Variants in PRG4 observed in about 807,000 individuals in gnomAD.
PRG4 encodes proteoglycan 4.
In PRG4, 61 loss-of-function variants were observed where a neutral mutation model predicts 91.2. The ratio of observed to expected loss-of-function variants is 0.67; its 90% CI spans 0.54 to 0.83. PRG4 has a LOEUF of 0.83. Ranked by LOEUF, PRG4 falls within the 40% of genes least tolerant of loss-of-function variation. The probability of loss-of-function intolerance (pLI) is 0.00; values close to 1 mark genes in which losing one functional copy is unlikely to be tolerated. For missense variants in PRG4, 1,564 were observed against 1,714.2 expected, an observed-to-expected ratio of 0.91 and a Z score of 1.55; for synonymous variants, 576 against 614.2, an observed-to-expected ratio of 0.94 and a Z score of 0.92.
chr1:186,301,728 C>A lies in PRG4; in HGVS notation c.319+17C>A. ...GTGCAGAAGGTAAGCATCACAGTAC[C>A]AACCAATGCTTCTCAGTACAGCCAG... is the stretch of plus-strand genomic sequence containing the variant. On this transcript the variant is annotated intron_variant, in intron 4 of 12. Transcript: ENST00000445192. 1 of 1,612,008 alleles carries A rather than the reference C, an allele frequency of 6.2e-7. No homozygotes were observed. The highest frequency in any genetic ancestry group is 8.5e-7 in the Non-Finnish European group (1 of 1,178,164).
intron 2 of PRG4, among the ~76,000 whole-genome samples, chr1:186,297,709 C>G (rs1227883980): frequency 6.6e-6 from 1 of 152,090 alleles, no homozygotes; most frequent in East Asian, 1.9e-4. Context: ...TTTTGTTCCC[C>G]TTTGATAAGC....
chr1:186,298,472 C>T (rs567386195), intron 2 of PRG4, among the ~76,000 whole-genome samples: 2 of 151,582 alleles, frequency 1.3e-5, no homozygotes, highest in Admixed American at 1.3e-4. Context: ...GTAAGCTTTT[C>T]CTGTAAGGAT....
rs1557962054 is a variant in PRG4 at position 186,309,828 on chromosome 1, G to A, written c.3457G>A (p.Gly1153Arg). Residue 1153 changes from glycine (G) to arginine (R), a missense_variant, in exon 8 of 13, where the codon GGA (glycine) becomes AGA (arginine). By Grantham distance (125) the Gly-to-Arg change is moderately radical. Around this residue, in one of 3 missense-constraint regions of PRG4, gnomAD observed 1,079 missense variants for 1,162.2 expected, o/e 0.93. Transcript: ENST00000445192. ...TATATGCAATGGTAAGCCAGTAGAT[G>A]GACTGACTACTTTGCGCAATGGGAC... The part of the protein sequence containing the change: ...TNICNGKPVD[G>R]LTTLRNGTLV... The A allele has an allele frequency of 1.9e-6, 3 of 1,613,612 alleles. No individual in the cohort carries two copies. The highest frequency in any genetic ancestry group is 2.7e-5 in the African/African-American group (2 of 74,898).
chr1:186,311,108 C>G lies in PRG4; in HGVS notation c.3574C>G (p.Pro1192Ala). The part of the protein sequence containing the change: ...ARRITEVWGI[P>A]SPIDTVFTRC... ...CAGAATTACTGAAGTTTGGGGTATT[C>G]CTTCCCCCATTGATACTGTTTTTAC... Residue 1192 changes from proline to alanine, a missense_variant, in exon 9 of 13, where the codon CCT (proline) becomes GCT (alanine). Physicochemically the swap from Pro to Ala is conservative, Grantham distance 27. Around this residue, in one of 3 missense-constraint regions of PRG4, gnomAD observed 1,079 missense variants for 1,162.2 expected, o/e 0.93. Coordinates refer to ENST00000445192, the MANE Select transcript of PRG4 (RefSeq NM_005807.6). 6.2e-7 allele frequency: 1 copy of G among 1,612,936 alleles called. No individual in the cohort carries two copies. Among genetic ancestry groups the G allele is most frequent in the South Asian group, 1.1e-5 (1 of 91,044 alleles).
intron 12 of PRG4, chr1:186,313,439 TA>T (rs1466449722): frequency 1.1e-5 from 5 of 469,422 alleles, no homozygotes; most frequent in African/African-American, 9.7e-5. Context: ...GTTTACTTCA[TA>T]AAGGAGAGCT....
In PRG4 at chr1:186,308,845, A is replaced by G; in HGVS notation, c.3126A>G (p.Arg1042=). ...CCAAAAAGCCAAAAACAATGCCTAG[A>G]GTGAGAAAACCAAAGACGACACCAA... ...TSTKKPKTMP[R]VRKPKTTPTP... is the part of the protein sequence containing the mutation. The change falls in exon 7 of 13, where the codon AGA becomes AGG. Residue 1042 remains arginine (R), a synonymous_variant. Transcript: ENST00000445192. 1 of 1,613,912 alleles carries G rather than the reference A, an allele frequency of 6.2e-7. No individual in the cohort carries two copies. Among genetic ancestry groups the G allele is most frequent in the Non-Finnish European group, 8.5e-7 (1 of 1,179,982 alleles).
rs1163400136 is a variant in PRG4 at position 186,307,797 on chromosome 1, C to G, written c.2078C>G (p.Pro693Arg). The G allele has an allele frequency of 6.2e-7, 1 of 1,611,866 alleles. No homozygotes were observed. Among genetic ancestry groups the G allele is most frequent in the Non-Finnish European group, 8.5e-7 (1 of 1,179,584 alleles). Residue 693 changes from proline (P) to arginine (R), a missense_variant, in exon 7 of 13, where the codon CCT becomes CGT. Transcript: ENST00000445192. ...CCTAAGGAGCCTGCTCCAACTACCC[C>G]TAAGGAGCCTGCTCCAACTACCCCT... is the stretch of plus-strand genomic sequence containing the variant. The part of the protein sequence containing the change: ...TTPKEPAPTT[P>R]KEPAPTTPKE...
chr1:186,311,537 CA>C lies in PRG4; in HGVS notation c.3735del (p.Ala1246ArgfsTer43). The C allele has an allele frequency of 6.2e-7, 1 of 1,614,040 alleles. No individual in the cohort carries two copies. The highest frequency in any genetic ancestry group is 1.1e-5 in the South Asian group (1 of 91,078). ...GGAGGACTAACTGGACAAATAGTGG[CA>C]GCGCTTTCAACAGCTAAATATAAGA... ...GFGGLTGQIV[A>X]ALSTAKYKNW... is the part of the protein sequence containing the mutation. On this transcript the variant is annotated frameshift_variant, in exon 10 of 13. Coordinates refer to ENST00000445192, the MANE Select transcript of PRG4 (RefSeq NM_005807.6). LOFTEE classifies it high-confidence loss of function.
At chr1:186,312,132 A>C in intron 10 of PRG4, 43 bp from the exon 11 acceptor site, 1 of 1,574,738 alleles carries the variant, frequency 6.4e-7, no homozygotes. Context: ...GAGGGTATTA[A>C]AATTAATTTT....
intron 7 of PRG4, 118 bp downstream of exon 7, chr1:186,309,258 CT>C: frequency 9.1e-7 from 1 of 1,099,412 alleles, no homozygotes; most frequent in Non-Finnish European, 1.3e-6. Context: ...ACCTTGTTAG[CT>C]TGTGAAGTTT....
intron 4 of PRG4, 150 bp from the exon 5 acceptor site, chr1:186,303,957 TA>T: frequency 2.5e-6 from 2 of 797,902 alleles, no homozygotes; most frequent in Non-Finnish European, 4.4e-6. Context: ...TCCTTAGACT[TA>T]AATGGAGTCA....
rs775285699 is a variant in PRG4 at position 186,296,955 on chromosome 1, G to A, written c.76+4G>A. ...ATTCAGCAAGTTTCATCTCAAGGTAGCTTAACCATCGAACATACTTTTATT... is the reference window on the plus strand; with the variant it reads ...ATTCAGCAAGTTTCATCTCAAGGTAACTTAACCATCGAACATACTTTTATT... On this transcript the variant is annotated splice_donor_region_variant and intron_variant, in intron 2 of 12. Transcript: ENST00000445192. 3 of 1,610,068 alleles carry A rather than the reference G, an allele frequency of 1.9e-6. No individual in the cohort carries two copies. The highest frequency in any genetic ancestry group is 2.2e-5 in the South Asian group (2 of 90,998).
At position 186,309,152 on chromosome 1, in the gene PRG4, CA is replaced by C; in HGVS notation, c.3421+13del. 1 of 1,603,448 alleles carries C rather than the reference CA, an allele frequency of 6.2e-7. No homozygotes were observed. The highest frequency in any genetic ancestry group is 1.3e-5 in the African/African-American group (1 of 74,744). On this transcript the variant is annotated intron_variant, in intron 7 of 12. Coordinates refer to ENST00000445192, the MANE Select transcript of PRG4 (RefSeq NM_005807.6). The stretch of plus-strand genomic sequence containing the variant: ...TCCCATGCTTTCCGGTATTAAGAAT[CA>C]GTTATTTTCATTTTTAAAGCTGGTA...
In PRG4 at chr1:186,307,272, C is replaced by A; in HGVS notation, c.1553C>A (p.Thr518Asn). 1 of 1,600,236 alleles carries A rather than the reference C, an allele frequency of 6.2e-7. No homozygotes were observed. Among genetic ancestry groups the A allele is most frequent in the Non-Finnish European group, 8.5e-7 (1 of 1,175,284 alleles). Residue 518 changes from threonine to asparagine, a missense_variant, in exon 7 of 13, where the codon ACT (threonine) becomes AAT (asparagine). Physicochemically the swap from Thr to Asn is moderately conservative, Grantham distance 65. This residue lies in a region of PRG4 where 1,079 missense variants were observed against 1,162.2 expected (regional missense o/e 0.93). Transcript: ENST00000445192. ...ACCACCAAGGAGCCTTCACCCACCA[C>A]TCCCAAGGAGCCTGCACCCACCACC... ...PTTTKEPSPT[T>N]PKEPAPTTTK...
In PRG4 at chr1:186,296,919, C is replaced by A. The variant is rs543628110; in HGVS notation, c.44C>A (p.Ser15Tyr). The change falls in exon 2 of 13, where the codon TCT (serine) becomes TAT (tyrosine). Residue 15 changes from serine to tyrosine, a missense_variant. Physicochemically the swap from Ser to Tyr is moderately radical, Grantham distance 144. This residue lies in a region of PRG4 where 437 missense variants were observed against 459.0 expected (regional missense o/e 0.95). Coordinates refer to ENST00000445192, the MANE Select transcript of PRG4 (RefSeq NM_005807.6). ...CCCATTTACCTGTTGTTGCTGCTGT[C>A]TGTTTTCGTGATTCAGCAAGTTTCA... ...TLPIYLLLLL[S>Y]VFVIQQVSSQ... 6.2e-7 allele frequency: 1 copy of A among 1,614,022 alleles called. No individual in the cohort carries two copies. Among genetic ancestry groups the A allele is most frequent in the South Asian group, 1.1e-5 (1 of 91,074 alleles).
At position 186,306,480 on chromosome 1, in the gene PRG4, C is replaced by G; in HGVS notation, c.761C>G (p.Thr254Arg). 6.2e-7 allele frequency: 1 copy of G among 1,613,722 alleles called. No homozygotes were observed. The highest frequency in any genetic ancestry group is 8.5e-7 in the Non-Finnish European group (1 of 1,179,776). Residue 254 changes from threonine (T) to arginine (R), a missense_variant, in exon 7 of 13, where the codon ACA (threonine) becomes AGA (arginine). Transcript: ENST00000445192. ...GTCAGCACATCTCCCAAGATCACAA[C>G]AGCAAAACCAATAAATCCCAGACCC... ...NKVSTSPKITTAKPINPRPSL... is the reference protein window; with the variant it reads ...NKVSTSPKITRAKPINPRPSL...
At position 186,304,951 on chromosome 1, in the gene PRG4, G is replaced by T. The variant is rs1185076689; in HGVS notation, c.598+29G>T. The T allele has an allele frequency of 4.4e-6, 7 of 1,603,230 alleles. No individual in the cohort carries two copies. In the East Asian group the frequency reaches 6.7e-5, roughly 15 times the overall value. ...TGAGCATTGATAAAGATCAAAGACT[G>T]TATCAATGCCATATTAACAATGATT... On this transcript the variant is annotated intron_variant, in intron 6 of 12. Transcript: ENST00000445192.
Position 186,307,894 on chromosome 1 carries a change from C to G in PRG4, c.2175C>G (p.Pro725=). 1 of 1,598,228 alleles carries G rather than the reference C, an allele frequency of 6.3e-7. No individual in the cohort carries two copies. The highest frequency in any genetic ancestry group is 8.5e-7 in the Non-Finnish European group (1 of 1,172,710). The change falls in exon 7 of 13, where the codon CCC becomes CCG. Residue 725 remains proline (P), a synonymous_variant. Transcript: ENST00000445192. Reference sequence around the variant, plus strand: ...TCAAGGAACCTGCACCCACTACTCCCAAGAAGCCTGCCCCCAAGGAGCTTG... The same window carrying G: ...TCAAGGAACCTGCACCCACTACTCCGAAGAAGCCTGCCCCCAAGGAGCTTG... The part of the protein sequence containing the change: ...TTLKEPAPTT[P]KKPAPKELAP...
chr1:186,297,140 T>C (rs1368120967), intron 2 of PRG4, among the ~76,000 whole-genome samples, 189 bp downstream of exon 2: 1 of 152,208 alleles, frequency 6.6e-6, no homozygotes, highest in Non-Finnish European at 1.5e-5. Flanking sequence ...CTTTTTCTCC[T>C]TTTGAGAGTT....
Sources: allele counts gnomAD v4.1 joint callset (sites outside exome capture counted in the v4.1 genomes callset), GRCh38; gene constraint gnomAD v4.1.1; regional missense constraint gnomAD v4.1.1; transcripts MANE v1.5; gene names NCBI Gene and HGNC (gene_info 2026-07-23, HGNC 2026-07-21).